Variants in PLCB4 observed in about 807,000 individuals in gnomAD.
PLCB4 encodes phospholipase C beta 4.
Under a neutral mutation model 178.8 loss-of-function variants are expected in PLCB4, and 77 were observed. The ratio of observed to expected loss-of-function variants is 0.43; its 90% CI spans 0.36 to 0.52. The LOEUF is 0.52. Ranked by LOEUF, PLCB4 falls within the 20% of genes least tolerant of loss-of-function variation. The pLI is 0.00. For missense variants in PLCB4, 1,024 were observed against 1,453.4 expected (o/e 0.70, Z 4.80); for synonymous variants, 496 against 490.8 (o/e 1.01, Z -0.14).
At chr20:9,395,008 T>G (rs971084029) in intron 18 of PLCB4, among the ~76,000 whole-genome samples, 4 of 152,214 alleles carry the variant, frequency 2.6e-5, no homozygotes, top group African/African-American at 9.6e-5. Flanking sequence ...ATTTTTATTA[T>G]TTTGTTTACC....
chr20:9,214,468 CTGGGATTTGCAA>C (rs1472361792), intron 2 of PLCB4, among the ~76,000 whole-genome samples: 1 of 152,022 alleles, frequency 6.6e-6, no homozygotes, highest in Non-Finnish European at 1.5e-5. Context: ...TGATACAACT[CTGGGATTTGCAA>C]TTTTGTTTAC....
intron 1 of PLCB4, among the ~76,000 whole-genome samples, chr20:9,083,334 A>G (rs770076116): frequency 6.6e-6 from 1 of 151,156 alleles, no homozygotes; most frequent in Non-Finnish European, 1.5e-5. Flanking sequence ...AGGGTATGAG[A>G]CCCTCAGAAA....
intron 2 of PLCB4, among the ~76,000 whole-genome samples, chr20:9,117,692 C>T (rs762011698): frequency 2.0e-5 from 3 of 152,176 alleles, no homozygotes; most frequent in Non-Finnish European, 4.4e-5. Context: ...TCCTGTGCCT[C>T]GGCTACACTG....
chr20:9,167,529 T>C (rs1312611696), intron 2 of PLCB4, among the ~76,000 whole-genome samples: 1 of 152,226 alleles, frequency 6.6e-6, no homozygotes, highest in Non-Finnish European at 1.5e-5. Flanking sequence ...AATAAAAATA[T>C]ACTTTGAACA....
intron 19 of PLCB4, among the ~76,000 whole-genome samples, chr20:9,397,670 G>T (rs1000352461): frequency 6.6e-6 from 1 of 152,122 alleles, no homozygotes; most frequent in Non-Finnish European, 1.5e-5. Flanking sequence ...CCAGTCCTTG[G>T]GTTTGACATT....
chr20:9,204,247 A>T (rs1001707129), intron 2 of PLCB4, among the ~76,000 whole-genome samples: 1 of 151,564 alleles, frequency 6.6e-6, no homozygotes, highest in African/African-American at 2.4e-5. Flanking sequence ...AGATACTAAA[A>T]GTCTTTTTTT....
chr20:9,442,760 T>C (rs1284104123), intron 30 of PLCB4, among the ~76,000 whole-genome samples: 1 of 152,156 alleles, frequency 6.6e-6, no homozygotes, highest in African/African-American at 2.4e-5. Flanking sequence ...AGGAGATCAG[T>C]AGAGAGCCCC....
chr20:9,182,930 G>A (rs994919807), intron 2 of PLCB4, among the ~76,000 whole-genome samples: 1 of 152,150 alleles, frequency 6.6e-6, no homozygotes, highest in Admixed American at 6.5e-5. Context: ...TATTTACAAG[G>A]AAGAATACGC....
At chr20:9,279,806 G>T (rs2094478753) in intron 3 of PLCB4, among the ~76,000 whole-genome samples, 1 of 151,974 alleles carries the variant, frequency 6.6e-6, no homozygotes, top group African/African-American at 2.4e-5. Flanking sequence ...TTGTTTCTGT[G>T]CCTCTTTTTG....
intron 27 of PLCB4, among the ~76,000 whole-genome samples, chr20:9,423,089 G>A (rs775872177): frequency 3.9e-5 from 6 of 152,124 alleles, no homozygotes; most frequent in South Asian, 2.1e-4. Flanking sequence ...CATTTATTCC[G>A]TTTGGGGATA....
intron 3 of PLCB4, among the ~76,000 whole-genome samples, chr20:9,242,961 T>G (rs115742923): frequency 0.012 from 1,764 of 152,206 alleles, 36 homozygotes; most frequent in African/African-American, 0.04. Flanking sequence ...AGAAGTGGAA[T>G]GGATAGATGG....
intron 7 of PLCB4, among the ~76,000 whole-genome samples, chr20:9,361,235 A>G (rs1032934042): frequency 2.6e-5 from 4 of 152,260 alleles, no homozygotes; most frequent in African/African-American, 9.6e-5. Context: ...CATAGCAGAC[A>G]TGCAATTCAC....
At chr20:9,393,479 T>G in intron 17 of PLCB4, 109 bp from the exon 18 acceptor site, 1 of 663,412 alleles carries the variant, frequency 1.5e-6, no homozygotes, top group Non-Finnish European at 2.7e-6. Flanking sequence ...TGCCATCTAG[T>G]GGGTGTTGGG....
chr20:9,403,627 T>G (rs2039212342), intron 20 of PLCB4, among the ~76,000 whole-genome samples: 1 of 152,050 alleles, frequency 6.6e-6, no homozygotes. Flanking sequence ...AAAACAGAAG[T>G]GAGGTACAGA....
chr20:9,459,566 T>G (rs2043265047), intron 34 of PLCB4, 69 bp from the exon 35 acceptor site: 3 of 1,139,638 alleles, frequency 2.6e-6, no homozygotes, highest in Non-Finnish European at 3.8e-6. Flanking sequence ...ACCTGAATAA[T>G]GTTGTGCTTT....
chr20:9,438,403 G>A (rs1395307223), intron 30 of PLCB4, among the ~76,000 whole-genome samples: 2 of 151,796 alleles, frequency 1.3e-5, no homozygotes, highest in African/African-American at 4.8e-5. Context: ...AAATAAGTTG[G>A]CAGCTTTGAT....
At chr20:9,408,832 T>C (rs1216675287) in intron 23 of PLCB4, 115 bp downstream of exon 23, 26 of 710,214 alleles carry the variant, frequency 3.7e-5, no homozygotes, top group Non-Finnish European at 6.3e-5. Flanking sequence ...TAAAATGATA[T>C]GTGGGAAAGA....
chr20:9,155,550 C>T (rs1393290611), intron 2 of PLCB4, among the ~76,000 whole-genome samples: 2 of 152,140 alleles, frequency 1.3e-5, no homozygotes, highest in Non-Finnish European at 2.9e-5. Flanking sequence ...TTGATTCTTT[C>T]TGTACCTTTT....
chr20:9,117,521 C>T (rs1159968093), intron 2 of PLCB4, among the ~76,000 whole-genome samples: 2 of 152,184 alleles, frequency 1.3e-5, no homozygotes, highest in Non-Finnish European at 2.9e-5. Flanking sequence ...CTCCACACAG[C>T]AGCCAGAATT....
Sources: allele counts gnomAD v4.1 joint callset (sites outside exome capture counted in the v4.1 genomes callset), GRCh38; gene constraint gnomAD v4.1.1; transcripts MANE v1.5; gene names NCBI Gene and HGNC (gene_info 2026-07-23, HGNC 2026-07-21).